ATRNL1: variants seen among roughly 807,000 people sequenced by gnomAD.
The protein encoded by ATRNL1 is attractin-like protein 1.
ATRNL1 carries 95 observed loss-of-function variants against 182.7 expected under a neutral mutation model. That is an observed-to-expected ratio of 0.52 (90% CI 0.44 to 0.62). The LOEUF is 0.62. ATRNL1 is among the 20% of genes least tolerant of loss of function. The pLI, the probability that ATRNL1 is intolerant of heterozygous loss-of-function variation, is 0.00. For synonymous variants in ATRNL1, 576 were observed against 568.3 expected (o/e 1.01, Z -0.19); for missense variants, 1,471 against 1,679.5 (o/e 0.88, Z 2.17).
At chr10:115,862,517 T>G (rs782115080) in intron 28 of ATRNL1, among the ~76,000 whole-genome samples, 1 of 152,218 alleles carries the variant, frequency 6.6e-6, no homozygotes, top group Admixed American at 6.5e-5. Flanking sequence ...TTCTCAGAAA[T>G]GCAAATTAAA....
intron 27 of ATRNL1, among the ~76,000 whole-genome samples, chr10:115,767,775 A>G (rs1284769003): frequency 6.6e-6 from 1 of 152,006 alleles, no homozygotes; most frequent in Non-Finnish European, 1.5e-5. Flanking sequence ...CTTCACTCTC[A>G]TTGTTATTGG....
At chr10:115,555,137 AT>A (rs1554996719) in intron 26 of ATRNL1, among the ~76,000 whole-genome samples, 1 of 151,778 alleles carries the variant, frequency 6.6e-6, no homozygotes, top group African/African-American at 2.4e-5. Context: ...TTCAACACAA[AT>A]GCTCACCCTG....
chr10:115,440,318 A>G (rs543449870), intron 21 of ATRNL1, among the ~76,000 whole-genome samples: 2 of 151,796 alleles, frequency 1.3e-5, no homozygotes, highest in Admixed American at 1.3e-4. Flanking sequence ...AAAACTGGGG[A>G]TTATATATGC....
intron 26 of ATRNL1, among the ~76,000 whole-genome samples, chr10:115,646,468 T>C (rs567628719): frequency 2.0e-5 from 3 of 152,186 alleles, no homozygotes; most frequent in African/African-American, 7.2e-5. Flanking sequence ...GCTAGCAGAA[T>C]GTTAAAGAGA....
At chr10:115,352,553 A>T (rs1367086047) in intron 19 of ATRNL1, among the ~76,000 whole-genome samples, 3 of 152,146 alleles carry the variant, frequency 2.0e-5, no homozygotes, top group Non-Finnish European at 4.4e-5. Context: ...TTCCTTCAGC[A>T]GCGTATTGTT....
At chr10:115,417,516 A>G (rs1263953193) in intron 20 of ATRNL1, among the ~76,000 whole-genome samples, 2 of 152,170 alleles carry the variant, frequency 1.3e-5, no homozygotes, top group Admixed American at 1.3e-4. Context: ...GGTAACTATC[A>G]TATCTGTGCA....
intron 27 of ATRNL1, among the ~76,000 whole-genome samples, chr10:115,775,551 T>G (rs1279277641): frequency 6.6e-6 from 1 of 152,164 alleles, no homozygotes; most frequent in Non-Finnish European, 1.5e-5. Flanking sequence ...ATATTTGAAC[T>G]TAAAAAGACA....
At chr10:115,517,690 T>C (rs1554984213) in intron 24 of ATRNL1, among the ~76,000 whole-genome samples, 1 of 151,864 alleles carries the variant, frequency 6.6e-6, no homozygotes, top group Non-Finnish European at 1.5e-5. Flanking sequence ...CCTATTCCAA[T>C]TTGTCTTAAA....
At chr10:115,098,426 T>C (rs555505007) in intron 1 of ATRNL1, among the ~76,000 whole-genome samples, 79 of 150,466 alleles carry the variant, frequency 5.3e-4, no homozygotes, top group African/African-American at 1.9e-3. Context: ...CTGATCATCC[T>C]TCTAATCTTA....
At chr10:115,619,807 C>T (rs970369689) in intron 26 of ATRNL1, among the ~76,000 whole-genome samples, 1 of 152,124 alleles carries the variant, frequency 6.6e-6, no homozygotes, top group African/African-American at 2.4e-5. Context: ...TTATTTTTAA[C>T]AACACCTGGA....
intron 26 of ATRNL1, among the ~76,000 whole-genome samples, chr10:115,587,619 G>A (rs562935206): frequency 1.1e-4 from 15 of 138,530 alleles, no homozygotes; most frequent in Admixed American, 3.0e-4. Flanking sequence ...GCTTCGGCTC[G>A]CGCATGGTGC....
At chr10:115,238,123 A>G (rs1850263347) in intron 9 of ATRNL1, among the ~76,000 whole-genome samples, 1 of 152,080 alleles carries the variant, frequency 6.6e-6, no homozygotes, top group African/African-American at 2.4e-5. Flanking sequence ...AGTCCCAGGG[A>G]CTGACTTGAT....
At chr10:115,269,226 T>G (rs781828398) in intron 13 of ATRNL1, among the ~76,000 whole-genome samples, 22 of 152,186 alleles carry the variant, frequency 1.4e-4, no homozygotes, top group Non-Finnish European at 2.4e-4. Flanking sequence ...AAGCAAAAAT[T>G]AAGATTTTAA....
chr10:115,643,830 G>A (rs1351651822), intron 26 of ATRNL1, among the ~76,000 whole-genome samples: 3 of 151,998 alleles, frequency 2.0e-5, no homozygotes, highest in Non-Finnish European at 2.9e-5. Context: ...AATACCAGAT[G>A]AGAACACAGA....
intron 26 of ATRNL1, among the ~76,000 whole-genome samples, chr10:115,559,930 G>C: frequency 6.6e-6 from 1 of 152,114 alleles, no homozygotes; most frequent in Non-Finnish European, 1.5e-5. Flanking sequence ...TCTAGATTGG[G>C]AAGAAAGAAG....
rs1245392489 is a variant in ATRNL1 at position 115,270,599 on chromosome 10, C to T, written c.2100+2155C>T. On this transcript the variant is annotated intron_variant, in intron 13 of 28. Coordinates refer to ENST00000355044, the MANE Select transcript of ATRNL1 (RefSeq NM_207303.4). ...TACTCTACGTATGGAGGCTTGAGAA[C>T]CAGGAGTGCAGATGGTGTAAGTCTC... Among the ~76,000 whole-genome samples the T allele has an allele frequency of 2.0e-5, 3 of 151,666 alleles. No individual in the cohort carries two copies. The East Asian group carries it at 5.8e-4, about 29-fold the overall frequency.
chr10:115,468,581 C>CAA (rs10644160), intron 23 of ATRNL1, among the ~76,000 whole-genome samples: 101,619 of 150,436 alleles, frequency 0.68, 34,884 homozygotes, highest in Non-Finnish European at 0.73. Context: ...ATTCAGCACT[C>CAA]TATGTGTTTA....
rs973430841 is a variant in ATRNL1 at position 115,640,107 on chromosome 10, A to G, written c.3796-87141A>G. 2.0e-5 allele frequency among the ~76,000 whole-genome samples: 3 copies of G among 152,080 alleles called. No homozygotes were observed. The South Asian group carries it at 6.2e-4, about 32-fold the overall frequency. ...ATCCATGTCCCTGCCAAGGACATGAACTCATTCATTTGGCTGCATAGTATT... is the reference window on the plus strand; with the variant it reads ...ATCCATGTCCCTGCCAAGGACATGAGCTCATTCATTTGGCTGCATAGTATT... On this transcript the variant is annotated intron_variant, in intron 26 of 28. Coordinates refer to ENST00000355044, the MANE Select transcript of ATRNL1 (RefSeq NM_207303.4).
At chr10:115,207,156 C>T (rs1368210976) in intron 8 of ATRNL1, among the ~76,000 whole-genome samples, 2 of 152,122 alleles carry the variant, frequency 1.3e-5, no homozygotes, top group East Asian at 3.9e-4. Flanking sequence ...CATACATGTG[C>T]ATGTGTCTTT....
Sources: allele counts gnomAD v4.1 joint callset (sites outside exome capture counted in the v4.1 genomes callset), GRCh38; gene constraint gnomAD v4.1.1; transcripts MANE v1.5; gene names NCBI Gene and HGNC (gene_info 2026-07-23, HGNC 2026-07-21).